The following ADAMTSL1 variants were observed in gnomAD, a reference collection of about 807,000 sequenced individuals.
ADAMTSL1 encodes the protein ADAMTS like 1.
In ADAMTSL1, 126 loss-of-function variants were observed where a neutral mutation model predicts 201.8. The ratio of observed to expected loss-of-function variants is 0.62; its 90% CI spans 0.54 to 0.72. ADAMTSL1 has a LOEUF of 0.72. ADAMTSL1 is among the 30% of genes least tolerant of loss of function. The pLI is 0.00. For missense variants in ADAMTSL1, 2,679 were observed against 2,277.8 expected, an observed-to-expected ratio of 1.18 and a Z score of -3.59; for synonymous variants, 1,121 against 903.4, an observed-to-expected ratio of 1.24 and a Z score of -4.32.
At chr9:18,004,727 C>T (rs1819746336) in intron 1 of ADAMTSL1, among the ~76,000 whole-genome samples, 1 of 151,878 alleles carries the variant, frequency 6.6e-6, no homozygotes, top group Admixed American at 6.6e-5. Context: ...CAGGGTATGA[C>T]TAAAGATAAG....
At chr9:18,082,663 C>A (rs1001260055) in intron 1 of ADAMTSL1, among the ~76,000 whole-genome samples, 2 of 152,158 alleles carry the variant, frequency 1.3e-5, no homozygotes, top group African/African-American at 2.4e-5. Flanking sequence ...CAGCTTCTTT[C>A]TGGATGGTCT....
intron 1 of ADAMTSL1, among the ~76,000 whole-genome samples, chr9:17,942,522 T>C (rs1232669342): frequency 6.6e-5 from 10 of 152,172 alleles, no homozygotes; most frequent in Non-Finnish European, 5.9e-5. Context: ...GAACTGGTAC[T>C]TTGTTATAGC....
chr9:18,154,862 G>A (rs1827081273), intron 1 of ADAMTSL1, among the ~76,000 whole-genome samples: 1 of 152,024 alleles, frequency 6.6e-6, no homozygotes, highest in African/African-American at 2.4e-5. Context: ...ATTTTCTTGA[G>A]ATACTGAGTA....
At chr9:18,883,973 A>AT (rs1248050356) in intron 23 of ADAMTSL1, among the ~76,000 whole-genome samples, 1 of 152,122 alleles carries the variant, frequency 6.6e-6, no homozygotes, top group Non-Finnish European at 1.5e-5. Context: ...CCTATATTTA[A>AT]TTTTTTGAGG....
At chr9:18,166,498 A>T (rs1827638757) in intron 2 of ADAMTSL1, among the ~76,000 whole-genome samples, 1 of 151,952 alleles carries the variant, frequency 6.6e-6, no homozygotes, top group South Asian at 2.1e-4. Context: ...GTGATAAAAA[A>T]ATATTTGGGA....
chr9:18,477,708 A>T (rs1392035228), intron 1 of ADAMTSL1, among the ~76,000 whole-genome samples: 1 of 152,244 alleles, frequency 6.6e-6, no homozygotes, highest in Non-Finnish European at 1.5e-5. Flanking sequence ...GCTATGAAGC[A>T]TTTAAAATTT....
chr9:17,996,991 C>T (rs1156379885), intron 1 of ADAMTSL1, among the ~76,000 whole-genome samples: 1 of 152,126 alleles, frequency 6.6e-6, no homozygotes, highest in Non-Finnish European at 1.5e-5. Flanking sequence ...CTTGCTATTT[C>T]AGATAAGAAC....
At chr9:18,433,923 T>C (rs959237996) in intron 2 of ADAMTSL1, among the ~76,000 whole-genome samples, 1 of 152,236 alleles carries the variant, frequency 6.6e-6, no homozygotes, top group Non-Finnish European at 1.5e-5. Context: ...TTTAGGGGAA[T>C]GCTAATTGCA....
chr9:18,763,981 T>A (rs1245439606), intron 16 of ADAMTSL1, among the ~76,000 whole-genome samples: 1 of 152,160 alleles, frequency 6.6e-6, no homozygotes, highest in Admixed American at 6.6e-5. Context: ...TTATTCTGGG[T>A]CTTTTGTGGT....
intron 23 of ADAMTSL1, among the ~76,000 whole-genome samples, chr9:18,858,421 C>T (rs184865233): frequency 2.0e-5 from 3 of 152,330 alleles, no homozygotes; most frequent in Non-Finnish European, 4.4e-5. Flanking sequence ...TGGACTACCA[C>T]GGCTCCCTGT....
intron 2 of ADAMTSL1, among the ~76,000 whole-genome samples, chr9:18,320,787 A>G (rs1834587202): frequency 6.6e-6 from 1 of 152,166 alleles, no homozygotes; most frequent in African/African-American, 2.4e-5. Context: ...TTAATTCTAA[A>G]TAAACTGACA....
intron 2 of ADAMTSL1, among the ~76,000 whole-genome samples, chr9:18,414,525 T>C (rs1432699962): frequency 6.6e-6 from 1 of 152,214 alleles, no homozygotes; most frequent in Non-Finnish European, 1.5e-5. Flanking sequence ...CAATGGTTTT[T>C]AAGAAACCGG....
At chr9:18,796,926 T>C (rs1349245984) in intron 20 of ADAMTSL1, among the ~76,000 whole-genome samples, 1 of 152,192 alleles carries the variant, frequency 6.6e-6, no homozygotes, top group African/African-American at 2.4e-5. Context: ...CAGGATTAAT[T>C]CTCTTGTTTA....
At chr9:18,144,326 T>C (rs1438612342) in intron 1 of ADAMTSL1, among the ~76,000 whole-genome samples, 1 of 151,958 alleles carries the variant, frequency 6.6e-6, no homozygotes, top group Non-Finnish European at 1.5e-5. Context: ...CTGCCTCAGC[T>C]TCCTGGGTAG....
At chr9:18,707,868 T>C (rs770589246) in intron 14 of ADAMTSL1, among the ~76,000 whole-genome samples, 9 of 152,176 alleles carry the variant, frequency 5.9e-5, no homozygotes, top group East Asian at 1.9e-4. Flanking sequence ...ATGAACAGGA[T>C]TGTAGTGGCA....
intron 2 of ADAMTSL1, among the ~76,000 whole-genome samples, chr9:18,311,827 C>A (rs1311490168): frequency 1.3e-5 from 2 of 152,086 alleles, no homozygotes; most frequent in Non-Finnish European, 2.9e-5. Flanking sequence ...TTACAAAGGG[C>A]TGCAATAAAG....
chr9:18,886,166 G>GTATGTATATATATATATA (rs55916376), intron 23 of ADAMTSL1, among the ~76,000 whole-genome samples: 7 of 37,130 alleles, frequency 1.9e-4, no homozygotes, highest in Admixed American at 2.6e-4. Flanking sequence ...GTGTGTATGT[G>GTATGTATATATATATATA]TATATATATA....
intron 16 of ADAMTSL1, among the ~76,000 whole-genome samples, chr9:18,760,551 A>T (rs1820017359): frequency 6.6e-6 from 1 of 152,192 alleles, no homozygotes; most frequent in South Asian, 2.1e-4. Context: ...CTCACAAAGC[A>T]GTATTGTTTG....
At chr9:18,736,437 T>C (rs1457098963) in intron 15 of ADAMTSL1, among the ~76,000 whole-genome samples, 2 of 152,248 alleles carry the variant, frequency 1.3e-5, no homozygotes, top group African/African-American at 4.8e-5. Flanking sequence ...AAATGGATAG[T>C]GTCAGGCACT....
Sources: allele counts gnomAD v4.1 joint callset (sites outside exome capture counted in the v4.1 genomes callset), GRCh38; gene constraint gnomAD v4.1.1; transcripts MANE v1.5; gene names NCBI Gene and HGNC (gene_info 2026-07-23, HGNC 2026-07-21).